TANC1: variants seen among roughly 807,000 people sequenced by gnomAD.
The protein encoded by TANC1 is tetratricopeptide repeat, ankyrin repeat and coiled-coil containing 1.
In TANC1, 77 loss-of-function variants were observed where a neutral mutation model predicts 149.7. The ratio of observed to expected loss-of-function variants is 0.51; its 90% CI spans 0.43 to 0.62. The LOEUF (loss-of-function observed/expected upper bound fraction) is 0.62. Ranked by LOEUF, TANC1 falls within the 20% of genes least tolerant of loss-of-function variation. The pLI is 0.00. For synonymous variants in TANC1, 854 were observed against 925.0 expected, an observed-to-expected ratio of 0.92 and a Z score of 1.39; for missense variants, 1,985 against 2,321.8, an observed-to-expected ratio of 0.85 and a Z score of 2.98.
At chr2:159,205,906 T>C (rs1017781705) in intron 19 of TANC1, among the ~76,000 whole-genome samples, 37 of 152,222 alleles carry the variant, frequency 2.4e-4, no homozygotes, top group African/African-American at 6.5e-4. Flanking sequence ...GAGGATGCTG[T>C]AGAGAAAACT....
At chr2:158,980,252 A>G (rs560118900) in intron 1 of TANC1, among the ~76,000 whole-genome samples, 218 of 152,086 alleles carry the variant, frequency 1.4e-3, no homozygotes, top group African/African-American at 5.1e-3. Flanking sequence ...TAGAGTAGTC[A>G]GTGTTTTCCA....
At chr2:159,196,960 C>T (rs1347580200) in intron 18 of TANC1, among the ~76,000 whole-genome samples, 167 bp downstream of exon 18, 3 of 152,206 alleles carry the variant, frequency 2.0e-5, no homozygotes, top group African/African-American at 7.2e-5. Context: ...CCGTGAGTGA[C>T]AGTGCACACT....
intron 1 of TANC1, among the ~76,000 whole-genome samples, chr2:158,980,551 C>T (rs1188805399): frequency 6.6e-6 from 1 of 151,928 alleles, no homozygotes; most frequent in Non-Finnish European, 1.5e-5. Flanking sequence ...CCGAAGTGGG[C>T]AGATCACGAG....
chr2:159,078,922 A>T (rs1412465944), intron 3 of TANC1, among the ~76,000 whole-genome samples: 1 of 152,206 alleles, frequency 6.6e-6, no homozygotes, highest in Non-Finnish European at 1.5e-5. Flanking sequence ...ATATTTTTTT[A>T]AAAAACTTCA....
At chr2:159,042,778 G>A (rs140428463) in intron 2 of TANC1, among the ~76,000 whole-genome samples, 125 of 152,182 alleles carry the variant, frequency 8.2e-4, no homozygotes, top group African/African-American at 2.9e-3. Flanking sequence ...AAGGTGTGAA[G>A]TTGAGTGGTG....
chr2:159,227,531 A>T, intron 24 of TANC1: 1 of 379,888 alleles, frequency 2.6e-6, no homozygotes, highest in East Asian at 5.3e-5. Context: ...AATCTGATTC[A>T]TTAAGTTTGG....
chr2:159,036,232 G>A (rs964585003), intron 2 of TANC1, among the ~76,000 whole-genome samples: 4 of 152,158 alleles, frequency 2.6e-5, no homozygotes, highest in African/African-American at 7.2e-5. Context: ...AGGTGGTGCT[G>A]TCCTGCAGTG....
At chr2:159,163,029 A>AT (rs1303240526) in intron 7 of TANC1, among the ~76,000 whole-genome samples, 1 of 152,160 alleles carries the variant, frequency 6.6e-6, no homozygotes, top group Admixed American at 6.5e-5. Flanking sequence ...TTTTTAGACA[A>AT]TTTTTTTCAT....
rs1368387876 is a variant in TANC1 at position 159,231,059 on chromosome 2, C to A, written c.*47C>A. 6 of 1,410,638 alleles carry A rather than the reference C, an allele frequency of 4.3e-6. No homozygotes were observed. In the African/African-American group the frequency reaches 5.8e-5, roughly 14 times the overall value. 87.4% of individuals were successfully genotyped at this position (1,410,638 alleles called of 1,614,324 possible). On this transcript the variant is annotated 3_prime_UTR_variant, in exon 27 of 27. Coordinates refer to ENST00000263635, the MANE Select transcript of TANC1 (RefSeq NM_033394.3). ...TGGAATTTGGAAACGTGTGTTGACT[C>A]CTGGTGGTAAATTAAATAGTTTTTT... is the stretch of plus-strand genomic sequence containing the variant.
chr2:159,078,483 G>A (rs2043918929), intron 3 of TANC1, among the ~76,000 whole-genome samples: 1 of 152,190 alleles, frequency 6.6e-6, no homozygotes, highest in African/African-American at 2.4e-5. Context: ...TTTTGTATCA[G>A]TTCTGTAAAT....
chr2:159,149,813 A>T (rs977802458), intron 6 of TANC1: 1 of 173,022 alleles, frequency 5.8e-6, no homozygotes, highest in Non-Finnish European at 1.2e-5. Flanking sequence ...CTGAATAGCA[A>T]TGCAGGATGG....
intron 2 of TANC1, among the ~76,000 whole-genome samples, chr2:159,054,464 C>T (rs1195371134): frequency 6.6e-6 from 1 of 152,064 alleles, no homozygotes; most frequent in African/African-American, 2.4e-5. Flanking sequence ...AAATTAGGGC[C>T]TGGGGAGGTT....
In TANC1 at chr2:159,131,124, C is replaced by T. The variant is rs984195536; in HGVS notation, c.260-5070C>T. On this transcript the variant is annotated intron_variant, in intron 4 of 26. Coordinates refer to ENST00000263635, the MANE Select transcript of TANC1 (RefSeq NM_033394.3). ...TTCCTGCCGTGGCCTATAAGCTTGG[C>T]TGTCAGATCTCATAGCTGGGGGCTG... Among the ~76,000 whole-genome samples the T allele has an allele frequency of 7.9e-5, 12 of 152,010 alleles. 1 individual carries two copies. Among genetic ancestry groups the T allele is most frequent in the Admixed American group, 6.6e-4 (10 of 15,258 alleles).
chr2:159,176,586 C>T lies in TANC1; in HGVS notation c.1902+68C>T, dbSNP rs901936544. On this transcript the variant is annotated intron_variant, in intron 13 of 26. Coordinates refer to ENST00000263635, the MANE Select transcript of TANC1 (RefSeq NM_033394.3). ...ATTTTACAGTGATAAATGTTAATAA[C>T]GTAAAACTGTTGTAAACCATTCAGC... 3.9e-5 allele frequency: 49 copies of T among 1,247,882 alleles called. 1 individual carries two copies. Among genetic ancestry groups the T allele is most frequent in the African/African-American group, 2.2e-4 (14 of 64,872 alleles). 77.3% of individuals were successfully genotyped at this position (1,247,882 alleles called of 1,614,324 possible). A position where few individuals can be genotyped will look rare whatever the true frequency, so the allele number is the denominator to read the frequency against.
At chr2:159,169,729 A>C (rs2150459018) in intron 9 of TANC1, among the ~76,000 whole-genome samples, 1 of 152,290 alleles carries the variant, frequency 6.6e-6, no homozygotes, top group African/African-American at 2.4e-5. Context: ...GCGGTGGCTC[A>C]TGCCTGTAAT....
intron 3 of TANC1, among the ~76,000 whole-genome samples, chr2:159,095,094 C>T (rs948238990): frequency 6.6e-6 from 1 of 151,898 alleles, no homozygotes; most frequent in African/African-American, 2.4e-5. Flanking sequence ...TACCGGTGCC[C>T]ACCACCATGC....
chr2:159,106,942 T>G (rs1408318321), intron 4 of TANC1, among the ~76,000 whole-genome samples: 5 of 152,252 alleles, frequency 3.3e-5, no homozygotes, highest in Admixed American at 3.3e-4. Context: ...CCTTATGAGA[T>G]AAATGATTTA....
intron 2 of TANC1, among the ~76,000 whole-genome samples, chr2:159,034,474 C>T (rs776680434): frequency 1.3e-5 from 2 of 152,194 alleles, no homozygotes; most frequent in Non-Finnish European, 2.9e-5. Context: ...CCAGTGGGCC[C>T]TATTCCCAGA....
intron 2 of TANC1, among the ~76,000 whole-genome samples, chr2:159,040,233 A>T (rs534563969): frequency 4.0e-5 from 6 of 151,260 alleles, no homozygotes; most frequent in Non-Finnish European, 7.4e-5. Context: ...TTTATTTTTG[A>T]GCCTGGGGGT....
Sources: allele counts gnomAD v4.1 joint callset (sites outside exome capture counted in the v4.1 genomes callset), GRCh38; gene constraint gnomAD v4.1.1; transcripts MANE v1.5; gene names NCBI Gene and HGNC (gene_info 2026-07-23, HGNC 2026-07-21).